The following TASOR variants were observed in gnomAD, a reference collection of about 807,000 sequenced individuals.
TASOR encodes transcription activation suppressor.
In TASOR, 53 loss-of-function variants were observed where a neutral mutation model predicts 178.6. The observed-to-expected ratio is 0.30, with a 90% CI of 0.24 to 0.37. TASOR has a LOEUF of 0.37. TASOR is among the 10% of genes least tolerant of loss of function. TASOR has a pLI of 1.00. For synonymous variants in TASOR, 713 were observed against 696.2 expected (o/e 1.02, Z -0.38); for missense variants, 1,815 against 1,971.4 (o/e 0.92, Z 1.50).
At chr3:56,628,373 G>T in intron 19 of TASOR, 119 bp downstream of exon 19, 1 of 882,286 alleles carries the variant, frequency 1.1e-6, no homozygotes, top group Non-Finnish European at 1.7e-6. Context: ...TTCACAGATG[G>T]GTCCTTAAGT....
chr3:56,653,764 A>C (rs1345386639), intron 11 of TASOR, among the ~76,000 whole-genome samples: 1 of 152,222 alleles, frequency 6.6e-6, no homozygotes, highest in Non-Finnish European at 1.5e-5. Context: ...AAAAAGACAA[A>C]AGTATCCCTG....
At chr3:56,673,810 C>A in intron 1 of TASOR, 85 bp from the exon 2 acceptor site, 1 of 1,165,010 alleles carries the variant, frequency 8.6e-7, no homozygotes. Flanking sequence ...GTTAATGTAA[C>A]TTTAAATACC....
chr3:56,626,879 T>C lies in TASOR; in HGVS notation c.4139+158A>G, dbSNP rs2076811186. ...TTCTACTGAAAAATACTGCTTCTTA[T>C]AAAGGCTAGAATAATTCAGTATCTA... On this transcript the variant is annotated intron_variant, in intron 21 of 23. Coordinates refer to ENST00000683822, the MANE Select transcript of TASOR (RefSeq NM_001365635.2). Among the ~76,000 whole-genome samples, 3 of 152,362 alleles carry C rather than the reference T, an allele frequency of 2.0e-5. No homozygotes were observed. The South Asian group carries it at 6.2e-4, about 32-fold the overall frequency.
chr3:56,628,140 T>C (rs2076837138), intron 19 of TASOR, among the ~76,000 whole-genome samples: 1 of 152,106 alleles, frequency 6.6e-6, no homozygotes. Flanking sequence ...TACCTCAAAA[T>C]TTAAGGGAAA....
intron 7 of TASOR, among the ~76,000 whole-genome samples, chr3:56,665,973 C>T (rs1157691954): frequency 6.6e-6 from 1 of 152,024 alleles, no homozygotes; most frequent in African/African-American, 2.4e-5. Context: ...CATCTCAAAA[C>T]AAACAAAACC....
chr3:56,674,620 T>TA (rs2031109157), intron 1 of TASOR, among the ~76,000 whole-genome samples: 1 of 152,200 alleles, frequency 6.6e-6, no homozygotes, highest in Non-Finnish European at 1.5e-5. Flanking sequence ...CATGTGGGGC[T>TA]TTAGAGTCAA....
At position 56,644,385 on chromosome 3, in the gene TASOR, A is replaced by G. The variant is rs76876923; in HGVS notation, c.2215+2137T>C. Among the ~76,000 whole-genome samples the G allele has an allele frequency of 3.7e-3, 567 of 152,348 alleles. 5 individuals are homozygous for G. Among genetic ancestry groups the G allele is most frequent in the African/African-American group, 0.013 (550 of 41,574 alleles). ...GTTCAGCACAGATTGCAAATCCAGC[A>G]TAAACTAGAGGAGACCATTAAGGAG... is the stretch of plus-strand genomic sequence containing the variant. On this transcript the variant is annotated intron_variant, in intron 14 of 23. Transcript: ENST00000683822.
chr3:56,663,690 A>G, intron 7 of TASOR, 118 bp from the exon 8 acceptor site: 1 of 1,095,194 alleles, frequency 9.1e-7, no homozygotes, highest in African/African-American at 1.6e-5. Context: ...TCCTTCCTCC[A>G]GGTAGGAAGA....
chr3:56,626,974 A>G, intron 21 of TASOR, 63 bp downstream of exon 21: 6 of 1,014,470 alleles, frequency 5.9e-6, no homozygotes, highest in Non-Finnish European at 7.5e-6. Flanking sequence ...ATGGGAAGAG[A>G]GAAATATTAT....
At chr3:56,654,896 G>C (rs950786624) in intron 11 of TASOR, among the ~76,000 whole-genome samples, 2 of 152,128 alleles carry the variant, frequency 1.3e-5, no homozygotes, top group African/African-American at 4.8e-5. Flanking sequence ...TGGCTCTCCT[G>C]GGTCTCCAGC....
At position 56,674,201 on chromosome 3, in the gene TASOR, T is replaced by TTA. The variant is rs372625431; in HGVS notation, c.332-477_332-476insTA. Among the ~76,000 whole-genome samples, 25 of 111,832 alleles carry TTA rather than the reference T, an allele frequency of 2.2e-4. 1 individual carries two copies. The highest frequency in any genetic ancestry group is 1.4e-3 in the East Asian group (5 of 3,636). 73.4% of individuals were successfully genotyped at this position (111,832 alleles called of 152,430 possible). A position where few individuals can be genotyped will look rare whatever the true frequency, so the allele number is the denominator to read the frequency against. On this transcript the variant is annotated intron_variant, in intron 1 of 23. Transcript: ENST00000683822. ...TTACTGACACACTGGTCTTTAAGTT[T>TTA]AAAAAAAAAAAAAAAAAAAAAAAGC... is the stretch of plus-strand genomic sequence containing the variant.
At chr3:56,646,311 C>T (rs905279210) in intron 14 of TASOR, among the ~76,000 whole-genome samples, 2 of 152,274 alleles carry the variant, frequency 1.3e-5, no homozygotes, top group Non-Finnish European at 1.5e-5. Flanking sequence ...GTGGGCCATA[C>T]AGTCTCAGTG....
chr3:56,646,234 G>T (rs1266278952), intron 14 of TASOR, among the ~76,000 whole-genome samples: 1 of 152,206 alleles, frequency 6.6e-6, no homozygotes, highest in African/African-American at 2.4e-5. Flanking sequence ...TTAGAAATCT[G>T]ATGTACCAGG....
At chr3:56,658,694 G>A (rs546747077) in intron 11 of TASOR, among the ~76,000 whole-genome samples, 1 of 152,306 alleles carries the variant, frequency 6.6e-6, no homozygotes, top group African/African-American at 2.4e-5. Flanking sequence ...ATCACTTGAG[G>A]TCAGGAGTTT....
In TASOR at chr3:56,682,988, T is replaced by A; in HGVS notation, c.19A>T (p.Thr7Ser). 3 of 1,547,608 alleles carry A rather than the reference T, an allele frequency of 1.9e-6. No individual in the cohort carries two copies. The highest frequency in any genetic ancestry group is 1.7e-6 in the Non-Finnish European group (2 of 1,145,388). The change falls in exon 1 of 24, where the codon ACG (threonine) becomes TCG (serine). Residue 7 changes from threonine (T) to serine (S), a missense_variant. This residue lies in a region of TASOR where 244 missense variants were observed against 202.7 expected (regional missense o/e 1.20). Coordinates refer to ENST00000683822, the MANE Select transcript of TASOR (RefSeq NM_001365635.2). MATAVE[T>S]EACQPTDASW... ...GCATCCGTCGGCTGACAGGCCTCCG[T>A]CTCCACAGCAGTCGCCATCGCGCCG...
intron 1 of TASOR, among the ~76,000 whole-genome samples, chr3:56,681,377 A>C (rs1350264966): frequency 1.3e-5 from 2 of 152,250 alleles, no homozygotes; most frequent in African/African-American, 4.8e-5. Flanking sequence ...AAATTACATT[A>C]ACTCAAAAGA....
intron 18 of TASOR, among the ~76,000 whole-genome samples, chr3:56,631,775 G>C (rs149827789): frequency 1.3e-5 from 2 of 151,886 alleles, no homozygotes; most frequent in African/African-American, 2.4e-5. Context: ...GTACAGACGG[G>C]GTTTTCACCA....
intron 11 of TASOR, among the ~76,000 whole-genome samples, chr3:56,653,274 AAAAAAAAAAAAAAAAG>A (rs567670157): frequency 0.023 from 2,860 of 126,026 alleles, 206 homozygotes; most frequent in African/African-American, 0.062. Flanking sequence ...AAAAAAAAAA[AAAAAAAAAAAAAAAAG>A]AAAAGACAAG....
intron 6 of TASOR, among the ~76,000 whole-genome samples, chr3:56,667,516 G>C (rs1251550270): frequency 6.6e-6 from 1 of 151,986 alleles, no homozygotes; most frequent in African/African-American, 2.4e-5. Flanking sequence ...AATTAGCTAG[G>C]TGAGGTGGCA....
Sources: gnomAD v4.1 joint callset for allele counts (sites outside exome capture counted in the v4.1 genomes callset) on GRCh38, gnomAD v4.1.1 for gene constraint, gnomAD v4.1.1 regional missense constraint, MANE v1.5 for transcripts, NCBI Gene and HGNC (gene_info 2026-07-23, HGNC 2026-07-21) for gene names.